GRM7: variants seen among roughly 807,000 people sequenced by gnomAD.
GRM7 encodes glutamate metabotropic receptor 7.
GRM7 carries 35 observed loss-of-function variants against 84.5 expected under a neutral mutation model. The ratio of observed to expected loss-of-function variants is 0.41; its 90% CI spans 0.32 to 0.55. The LOEUF (loss-of-function observed/expected upper bound fraction) is 0.55. GRM7 is among the 20% of genes least tolerant of loss of function. The pLI is 0.19. For missense variants in GRM7, 1,003 were observed against 1,194.6 expected (o/e 0.84, Z 2.36); for synonymous variants, 487 against 455.1 (o/e 1.07, Z -0.89).
chr3:7,571,040 G>A lies in GRM7; in HGVS notation c.1516-7382G>A, dbSNP rs548092450. 2.3e-3 allele frequency among the ~76,000 whole-genome samples: 348 copies of A among 152,226 alleles called. 1 individual carries two copies. The highest frequency in any genetic ancestry group is 2.9e-3 in the African/African-American group (120 of 41,530). ...AGTCATGGCTGGAAAAGCTGGGACC[G>A]CAGTGCACCAATTTCCTATGCTTCA... On this transcript the variant is annotated intron_variant, in intron 7 of 9. Transcript: ENST00000357716.
rs1698451294 is a variant in GRM7, at chr3:7,086,135, A to T, written c.520-60317A>T. On this transcript the variant is annotated intron_variant, in intron 1 of 9. Transcript: ENST00000357716. ...ACAGACACTAGCAGTCATTAGGCAC[A>T]TTAGCATCACTGGATTGATTCTAGT... Among the ~76,000 whole-genome samples the T allele has an allele frequency of 1.3e-5, 2 of 152,144 alleles. 1 individual carries two copies. The highest frequency in any genetic ancestry group is 4.1e-4 in the South Asian group (2 of 4,832).
At chr3:6,891,112 G>A (rs1695921962) in intron 1 of GRM7, among the ~76,000 whole-genome samples, 1 of 151,850 alleles carries the variant, frequency 6.6e-6, no homozygotes, top group Admixed American at 6.6e-5. Context: ...CTTTTATTTT[G>A]AGCCTATATG....
chr3:7,727,232 T>A (rs1011667831), intron 9 of GRM7, among the ~76,000 whole-genome samples: 2 of 152,166 alleles, frequency 1.3e-5, no homozygotes, highest in African/African-American at 4.8e-5. Flanking sequence ...CACCCTTTAA[T>A]GTTAGGCATT....
chr3:7,349,283 G>C (rs565767546), intron 4 of GRM7, among the ~76,000 whole-genome samples: 47 of 152,172 alleles, frequency 3.1e-4, no homozygotes, highest in Non-Finnish European at 5.9e-4. Context: ...TTCATTAAGA[G>C]ACTGGCCACT....
At chr3:7,533,131 C>G (rs1701109789) in intron 7 of GRM7, among the ~76,000 whole-genome samples, 1 of 152,112 alleles carries the variant, frequency 6.6e-6, no homozygotes, top group African/African-American at 2.4e-5. Context: ...GAATTCAGCT[C>G]TGGACCAAGC....
intron 4 of GRM7, among the ~76,000 whole-genome samples, chr3:7,333,380 G>A (rs189947692): frequency 2.4e-3 from 365 of 152,264 alleles, no homozygotes; most frequent in Non-Finnish European, 3.7e-3. Context: ...CCCCCAGAAG[G>A]GCAATAAAAA....
intron 1 of GRM7, among the ~76,000 whole-genome samples, chr3:7,056,879 G>A (rs1697244778): frequency 6.6e-6 from 1 of 151,836 alleles, no homozygotes; most frequent in Admixed American, 6.6e-5. Flanking sequence ...TTATAACTTA[G>A]TGCTTGATTT....
chr3:7,656,545 G>GCACA (rs1288626812), intron 8 of GRM7, among the ~76,000 whole-genome samples: 71 of 120,410 alleles, frequency 5.9e-4, no homozygotes, highest in African/African-American at 8.2e-4. Context: ...ATATACGCGC[G>GCACA]CGCACACACA....
chr3:7,577,856 T>G (rs1364306533), intron 7 of GRM7, among the ~76,000 whole-genome samples: 1 of 152,216 alleles, frequency 6.6e-6, no homozygotes, highest in African/African-American at 2.4e-5. Context: ...AAAATGACAG[T>G]AATGCTTAGA....
intron 2 of GRM7, among the ~76,000 whole-genome samples, chr3:7,297,502 T>C (rs1344042376): frequency 6.6e-6 from 1 of 152,170 alleles, no homozygotes; most frequent in Non-Finnish European, 1.5e-5. Context: ...GATAGTTTTG[T>C]TGGGTGTTTA....
intron 1 of GRM7, among the ~76,000 whole-genome samples, chr3:6,913,101 C>A (rs918998525): frequency 6.6e-6 from 1 of 152,144 alleles, no homozygotes; most frequent in African/African-American, 2.4e-5. Flanking sequence ...CTCTCCTAAT[C>A]ATTTGATACT....
chr3:7,127,429 G>A (rs1175291665), intron 1 of GRM7, among the ~76,000 whole-genome samples: 1 of 152,108 alleles, frequency 6.6e-6, no homozygotes, highest in Non-Finnish European at 1.5e-5. Flanking sequence ...CTGAATGACA[G>A]TATCTTATAT....
chr3:7,595,983 A>G (rs984170666), intron 8 of GRM7, among the ~76,000 whole-genome samples: 8 of 152,200 alleles, frequency 5.3e-5, no homozygotes, highest in African/African-American at 1.9e-4. Flanking sequence ...TTGGAGAAGA[A>G]CAGACTCTAG....
At chr3:7,551,041 C>T (rs987016868) in intron 7 of GRM7, among the ~76,000 whole-genome samples, 7 of 152,066 alleles carry the variant, frequency 4.6e-5, no homozygotes, top group Non-Finnish European at 1.0e-4. Flanking sequence ...GCTTTGTTAT[C>T]ACATTTATAA....
intron 1 of GRM7, among the ~76,000 whole-genome samples, chr3:7,112,158 G>A (rs760339215): frequency 1.3e-5 from 2 of 151,982 alleles, no homozygotes; most frequent in Non-Finnish European, 2.9e-5. Flanking sequence ...GAAGGGACCT[G>A]GTTAGCTATT....
At chr3:6,916,144 G>C (rs1229889880) in intron 1 of GRM7, among the ~76,000 whole-genome samples, 1 of 152,114 alleles carries the variant, frequency 6.6e-6, no homozygotes, top group Non-Finnish European at 1.5e-5. Flanking sequence ...ATTTCCTGAA[G>C]GCTACTGTGT....
chr3:7,360,786 G>T (rs1207129618), intron 4 of GRM7, among the ~76,000 whole-genome samples: 1 of 152,102 alleles, frequency 6.6e-6, no homozygotes, highest in Non-Finnish European at 1.5e-5. Flanking sequence ...GATAAAGAAT[G>T]TTCAAGCGTA....
At position 6,876,599 on chromosome 3, in the gene GRM7, A is replaced by ATTTTT. The variant is rs34723690; in HGVS notation, c.519+14708_519+14712dup. ...GATAAGTCAGAGGTTTTTACCACTAATTTTTTTTTTTTTTTTTTTTGAGAA... is the reference window on the plus strand; with the variant it reads ...GATAAGTCAGAGGTTTTTACCACTAATTTTTTTTTTTTTTTTTTTTTTTTTGAGAA... On this transcript the variant is annotated intron_variant, in intron 1 of 9. Transcript: ENST00000357716. 1.8e-4 allele frequency among the ~76,000 whole-genome samples: 22 copies of ATTTTT among 124,104 alleles called. 1 individual carries two copies. The highest frequency in any genetic ancestry group is 3.1e-4 in the African/African-American group (10 of 32,150). 81.4% of individuals were successfully genotyped at this position (124,104 alleles called of 152,430 possible).
At chr3:7,687,452 T>G (rs893789359) in intron 9 of GRM7, among the ~76,000 whole-genome samples, 7 of 152,206 alleles carry the variant, frequency 4.6e-5, no homozygotes, top group African/African-American at 1.7e-4. Context: ...GAACAGGGCA[T>G]TCCAAACTAT....
Sources: allele counts gnomAD v4.1 joint callset (sites outside exome capture counted in the v4.1 genomes callset), GRCh38; gene constraint gnomAD v4.1.1; transcripts MANE v1.5; gene names NCBI Gene and HGNC (gene_info 2026-07-23, HGNC 2026-07-21).